Variants in GNG7 observed in about 807,000 individuals in gnomAD.
GNG7 encodes G protein subunit gamma 7, also known as guanine nucleotide-binding protein G(I)/G(S)/G(O) subunit gamma-7.
In GNG7, 1 loss-of-function variant was observed where a neutral mutation model predicts 4.0. The observed-to-expected ratio is 0.25, with a 90% CI of 0.09 to 1.18. The LOEUF (loss-of-function observed/expected upper bound fraction) is 1.18. Ranked by LOEUF, GNG7 falls within the 50% of genes most tolerant of loss-of-function variation. The probability of loss-of-function intolerance (pLI) is 0.50; values close to 1 mark genes in which losing one functional copy is unlikely to be tolerated. For synonymous variants in GNG7, 34 were observed against 36.9 expected, an observed-to-expected ratio of 0.92 and a Z score of 0.29; for missense variants, 86 against 91.9, an observed-to-expected ratio of 0.94 and a Z score of 0.26.
rs897574200 is a variant in GNG7 at position 2,626,470 on chromosome 19, G to A, written c.-78+19754C>T. Among the ~76,000 whole-genome samples the A allele has an allele frequency of 3.9e-5, 6 of 152,054 alleles. No individual in the cohort carries two copies. The highest frequency in any genetic ancestry group is 7.4e-5 in the Non-Finnish European group (5 of 67,992). The stretch of plus-strand genomic sequence containing the variant: ...CTCGGGATAAAATGCAGCCTCTGCC[G>A]TGCGGCCTCCTCACTCCCTCCCTCT... On this transcript the variant is annotated intron_variant, in intron 2 of 4. Coordinates refer to ENST00000382159, the MANE Select transcript of GNG7 (RefSeq NM_052847.3). The surrounding 1 kb of genome is among the most constrained non-coding windows in gnomAD (Gnocchi z 5.0).
chr19:2,693,819 T>C (rs986050722), intron 1 of GNG7, among the ~76,000 whole-genome samples: 11 of 152,086 alleles, frequency 7.2e-5, no homozygotes, highest in Admixed American at 2.0e-4. Context: ...CAGCACCAGA[T>C]AAATGCGTCA....
intron 3 of GNG7, among the ~76,000 whole-genome samples, chr19:2,543,252 G>GTTTTTT: frequency 7.2e-6 from 1 of 138,240 alleles, no homozygotes; most frequent in African/African-American, 2.8e-5. Context: ...ACAGGGTCTT[G>GTTTTTT]CTCTGTCACC....
rs535913994 is a variant in GNG7 at position 2,618,162 on chromosome 19, C to T, written c.-78+28062G>A. The stretch of plus-strand genomic sequence containing the variant: ...GCTGTCCCTGGCACACAGTGAGTGT[C>T]GGGTCAATATTTGCGACTGACCGAC... On this transcript the variant is annotated intron_variant, in intron 2 of 4. Coordinates refer to ENST00000382159, the MANE Select transcript of GNG7 (RefSeq NM_052847.3). The surrounding 1 kb of genome is among the most constrained non-coding windows in gnomAD (Gnocchi z 5.1). Among the ~76,000 whole-genome samples, 12 of 152,230 alleles carry T rather than the reference C, an allele frequency of 7.9e-5. No homozygotes were observed. The South Asian group carries it at 2.3e-3, about 29-fold the overall frequency.
At chr19:2,640,776 C>T (rs1424383886) in intron 2 of GNG7, among the ~76,000 whole-genome samples, 2 of 152,096 alleles carry the variant, frequency 1.3e-5, no homozygotes, top group African/African-American at 4.8e-5. Flanking sequence ...CACAGGTACA[C>T]ACTGTAACAC....
chr19:2,698,218 G>A (rs1367171237), intron 1 of GNG7, among the ~76,000 whole-genome samples: 2 of 149,760 alleles, frequency 1.3e-5, no homozygotes, highest in Non-Finnish European at 2.9e-5. Context: ...AGTGAGCCGA[G>A]ATCGCACCAC....
At chr19:2,553,784 C>T (rs996981870) in intron 3 of GNG7, among the ~76,000 whole-genome samples, 2 of 143,158 alleles carry the variant, frequency 1.4e-5, no homozygotes, top group Non-Finnish European at 3.0e-5. Flanking sequence ...TGTTATATCA[C>T]ACACATGTAC....
chr19:2,557,332 GACAC>G lies in GNG7; in HGVS notation c.-77-2148_-77-2145del, dbSNP rs201765743. 2.8e-5 allele frequency among the ~76,000 whole-genome samples: 4 copies of G among 140,632 alleles called. No individual in the cohort carries two copies. Among genetic ancestry groups the G allele is most frequent in the South Asian group, 4.6e-4 (2 of 4,366 alleles). The allele number at this position is 140,632 out of a possible 152,430, so 92.3% of individuals were successfully genotyped here. ...ACGCACAGACACACATGTGCACACA[GACAC>G]ACACATGTGCACACACACAGACACA... On this transcript the variant is annotated intron_variant, in intron 2 of 4. Coordinates refer to ENST00000382159, the MANE Select transcript of GNG7 (RefSeq NM_052847.3). This position sits in a 1 kb window ranked among gnomAD's most constrained non-coding sequence, Gnocchi z 5.1.
intron 1 of GNG7, among the ~76,000 whole-genome samples, chr19:2,663,106 A>G (rs1234733818): frequency 6.6e-6 from 1 of 152,236 alleles, no homozygotes; most frequent in Admixed American, 6.5e-5. Flanking sequence ...GTAATTTGTT[A>G]CACAGTGATA....
In GNG7 at chr19:2,653,929, C is replaced by T. The variant is rs944863483; in HGVS notation, c.-134-7649G>A. Among the ~76,000 whole-genome samples the T allele has an allele frequency of 2.6e-5, 4 of 152,214 alleles. No homozygotes were observed. Among genetic ancestry groups the T allele is most frequent in the Admixed American group, 6.5e-5 (1 of 15,288 alleles). The stretch of plus-strand genomic sequence containing the variant: ...CCAACAGAGGCGAGGGGACAGCTCT[C>T]GCCTGCCTCGGCGAGCCCGGGTTCC... On this transcript the variant is annotated intron_variant, in intron 1 of 4. Transcript: ENST00000382159. This position sits in a 1 kb window ranked among gnomAD's most constrained non-coding sequence, Gnocchi z 4.8.
rs1981780682 is a variant in GNG7, at chr19:2,618,450, G to T, written c.-78+27774C>A. ...TGCAACCTGCACCTCCCCTGTTCAA[G>T]CGATTCTCCTGCCTCAGCCTCCCAA... On this transcript the variant is annotated intron_variant, in intron 2 of 4. Transcript: ENST00000382159. The surrounding 1 kb of genome is among the most constrained non-coding windows in gnomAD (Gnocchi z 5.1). 1.3e-5 allele frequency among the ~76,000 whole-genome samples: 2 copies of T among 151,938 alleles called. No homozygotes were observed. Among genetic ancestry groups the T allele is most frequent in the Non-Finnish European group, 2.9e-5 (2 of 68,004 alleles).
At chr19:2,692,890 G>A (rs1913165785) in intron 1 of GNG7, among the ~76,000 whole-genome samples, 1 of 151,724 alleles carries the variant, frequency 6.6e-6, no homozygotes, top group African/African-American at 2.4e-5. Flanking sequence ...GGAGGCTGAG[G>A]CAGGAGGATC....
rs1033048157 is a variant in GNG7, at chr19:2,512,182, G to A, written c.*2840C>T. On this transcript the variant is annotated 3_prime_UTR_variant, in exon 5 of 5. Transcript: ENST00000382159. This position sits in a 1 kb window ranked among gnomAD's most constrained non-coding sequence, Gnocchi z 4.7. ...GGCTAGAGCTGCTGCTGCCACCCCCGCCCGCCAGCTCCCCGTCTGGAGGTG... is the reference window on the plus strand; with the variant it reads ...GGCTAGAGCTGCTGCTGCCACCCCCACCCGCCAGCTCCCCGTCTGGAGGTG... The A allele has an allele frequency of 4.8e-5, 47 of 985,696 alleles. No homozygotes were observed. The highest frequency in any genetic ancestry group is 1.1e-4 in the East Asian group (1 of 8,822). The allele number at this position is 985,696 out of a possible 1,614,324, so 61.1% of individuals were successfully genotyped here.
At position 2,619,007 on chromosome 19, in the gene GNG7, G is replaced by T. The variant is rs552642855; in HGVS notation, c.-78+27217C>A. On this transcript the variant is annotated intron_variant, in intron 2 of 4. Transcript: ENST00000382159. ...TTTTTGTTTGTCTCTTTAAGAAAAC[G>T]GTTACTATCCATGAAAAACAAACAA... Among the ~76,000 whole-genome samples the T allele has an allele frequency of 2.7e-4, 41 of 152,116 alleles. 1 individual carries two copies. The South Asian group carries it at 4.2e-3, about 15-fold the overall frequency.
At chr19:2,642,000 A>G (rs1982521358) in intron 2 of GNG7, 1 of 152,440 alleles carries the variant, frequency 6.6e-6, no homozygotes, top group Admixed American at 6.5e-5. Flanking sequence ...GCTGTCAGAT[A>G]ATAACTGTGT....
chr19:2,611,736 C>A lies in GNG7; in HGVS notation c.-78+34488G>T, dbSNP rs1000810756. The stretch of plus-strand genomic sequence containing the variant: ...CTGTAATCCCATCTACTCAGGAGAC[C>A]GAGGCAGGAGAATCGCTCGAACCGG... On this transcript the variant is annotated intron_variant, in intron 2 of 4. Transcript: ENST00000382159. This position sits in a 1 kb window ranked among gnomAD's most constrained non-coding sequence, Gnocchi z 6.0. 1 of 152,016 alleles carries A rather than the reference C, an allele frequency of 6.6e-6. No individual in the cohort carries two copies. Among genetic ancestry groups the A allele is most frequent in the African/African-American group, 2.4e-5 (1 of 41,384 alleles). 9.4% of individuals were successfully genotyped at this position (152,016 alleles called of 1,614,324 possible). A position where few individuals can be genotyped will look rare whatever the true frequency, so the allele number is the denominator to read the frequency against.
At chr19:2,592,161 G>A (rs1044713705) in intron 2 of GNG7, among the ~76,000 whole-genome samples, 4 of 152,174 alleles carry the variant, frequency 2.6e-5, no homozygotes, top group Admixed American at 2.6e-4. Context: ...TTATTTGGAT[G>A]TAAGAAAAAC....
At position 2,638,219 on chromosome 19, in the gene GNG7, C is replaced by T. The variant is rs751193068; in HGVS notation, c.-78+8005G>A. On this transcript the variant is annotated intron_variant, in intron 2 of 4. Transcript: ENST00000382159. ...CTCTACTAAATATACAAAAGTTAGC[C>T]GGGCGTGGTGGCATGCACCTGTAAT... 1.1e-4 allele frequency among the ~76,000 whole-genome samples: 17 copies of T among 150,872 alleles called. No individual in the cohort carries two copies. The South Asian group carries it at 2.1e-3, about 19-fold the overall frequency.
intron 2 of GNG7, among the ~76,000 whole-genome samples, chr19:2,627,709 C>T (rs1402908925): frequency 6.6e-6 from 1 of 152,226 alleles, no homozygotes; most frequent in African/African-American, 2.4e-5. Flanking sequence ...TCAGCTCCGA[C>T]CTCAACACCG....
At chr19:2,604,072 G>A (rs927015629) in intron 2 of GNG7, among the ~76,000 whole-genome samples, 2 of 151,838 alleles carry the variant, frequency 1.3e-5, no homozygotes, top group African/African-American at 4.8e-5. Flanking sequence ...GGATGGTATC[G>A]ATCTCTTGAC....
Sources: allele counts gnomAD v4.1 joint callset (sites outside exome capture counted in the v4.1 genomes callset), GRCh38; gene constraint gnomAD v4.1.1; non-coding constraint Gnocchi (gnomAD v3.1); transcripts MANE v1.5; gene names NCBI Gene and HGNC (gene_info 2026-07-23, HGNC 2026-07-21).